Variants in STX8 observed in about 807,000 individuals in gnomAD.
STX8 encodes syntaxin-8.
STX8 carries 23 observed loss-of-function variants against 37.5 expected under a neutral mutation model. The ratio of observed to expected loss-of-function variants is 0.61; its 90% CI spans 0.44 to 0.87. STX8 has a LOEUF of 0.87. Ranked by LOEUF, STX8 falls within the 40% of genes least tolerant of loss-of-function variation. The pLI, the probability that STX8 is intolerant of heterozygous loss-of-function variation, is 0.00. For synonymous variants in STX8, 115 were observed against 99.1 expected (o/e 1.16, Z -0.95); for missense variants, 313 against 284.7 (o/e 1.10, Z -0.71).
intron 6 of STX8, among the ~76,000 whole-genome samples, chr17:9,448,811 G>C (rs8077336): frequency 1.9e-4 from 29 of 152,114 alleles, no homozygotes; most frequent in Admixed American, 5.2e-4. Flanking sequence ...CGCCACAAAT[G>C]AATGAGGACT....
At chr17:9,360,957 C>T (rs1345876692) in intron 7 of STX8, among the ~76,000 whole-genome samples, 1 of 152,148 alleles carries the variant, frequency 6.6e-6, no homozygotes, top group Non-Finnish European at 1.5e-5. Context: ...AACTTCAATA[C>T]AAAGATCAAT....
intron 7 of STX8, among the ~76,000 whole-genome samples, chr17:9,303,835 G>C (rs1306272467): frequency 6.6e-6 from 1 of 151,872 alleles, no homozygotes; most frequent in Non-Finnish European, 1.5e-5. Context: ...AACCATTAAA[G>C]GTCTAGAAAA....
intron 5 of STX8, among the ~76,000 whole-genome samples, chr17:9,500,200 T>C (rs1379106086): frequency 1.3e-5 from 2 of 152,138 alleles, no homozygotes; most frequent in East Asian, 1.9e-4. Context: ...CGAAATAGAA[T>C]CAGATTTCTG....
intron 7 of STX8, among the ~76,000 whole-genome samples, chr17:9,353,589 T>C (rs1029269972): frequency 2.0e-5 from 3 of 152,190 alleles, no homozygotes; most frequent in Non-Finnish European, 4.4e-5. Context: ...ATAACATCAA[T>C]ATATTTACTC....
At chr17:9,429,825 A>ATG (rs1913801230) in intron 6 of STX8, among the ~76,000 whole-genome samples, 1 of 11,446 alleles carries the variant, frequency 8.7e-5, no homozygotes, top group African/African-American at 4.5e-4. Context: ...TATATTATAT[A>ATG]TTATATATAT....
chr17:9,574,711 T>A (rs927372274), intron 1 of STX8, among the ~76,000 whole-genome samples: 28 of 152,280 alleles, frequency 1.8e-4, no homozygotes, highest in African/African-American at 6.5e-4. Context: ...ATTTTGTATT[T>A]TTAGTAGAGA....
chr17:9,531,807 T>C (rs540759441), intron 4 of STX8, among the ~76,000 whole-genome samples: 1 of 146,576 alleles, frequency 6.8e-6, no homozygotes, highest in Non-Finnish European at 1.5e-5. Context: ...TTTACTTATT[T>C]CTACAGATTT....
At chr17:9,356,796 G>A (rs1910892536) in intron 7 of STX8, among the ~76,000 whole-genome samples, 1 of 152,036 alleles carries the variant, frequency 6.6e-6, no homozygotes, top group South Asian at 2.1e-4. Flanking sequence ...CAGGTCCTAG[G>A]CATCTCTAGC....
At chr17:9,313,159 C>G (rs969533996) in intron 7 of STX8, among the ~76,000 whole-genome samples, 12 of 151,970 alleles carry the variant, frequency 7.9e-5, no homozygotes, top group African/African-American at 2.7e-4. Context: ...CCATTGCATT[C>G]CAGTTTGGGC....
intron 4 of STX8, among the ~76,000 whole-genome samples, chr17:9,513,589 C>T (rs1455197561): frequency 6.6e-6 from 1 of 152,152 alleles, no homozygotes; most frequent in Non-Finnish European, 1.5e-5. Flanking sequence ...TAAACTAGTA[C>T]AGCCACTATG....
At chr17:9,258,918 T>G (rs1423021091) in intron 7 of STX8, among the ~76,000 whole-genome samples, 1 of 152,234 alleles carries the variant, frequency 6.6e-6, no homozygotes, top group South Asian at 2.1e-4. Context: ...CCATGAAGAC[T>G]GCTCAGCCCG....
intron 7 of STX8, among the ~76,000 whole-genome samples, chr17:9,261,831 C>T (rs1192835419): frequency 6.6e-6 from 1 of 152,056 alleles, no homozygotes; most frequent in African/African-American, 2.4e-5. Flanking sequence ...GTGTGTTACC[C>T]CTGGGAATGT....
chr17:9,359,052 T>C (rs976332827), intron 7 of STX8, among the ~76,000 whole-genome samples: 1 of 152,084 alleles, frequency 6.6e-6, no homozygotes, highest in African/African-American at 2.4e-5. Context: ...TTTTTTCTTT[T>C]TTTTTTTGAG....
At chr17:9,253,837 A>AGTGAC in intron 7 of STX8, among the ~76,000 whole-genome samples, 1 of 152,262 alleles carries the variant, frequency 6.6e-6, no homozygotes, top group South Asian at 2.1e-4. Context: ...GAGCGGAGCA[A>AGTGAC]GTGACAAGAA....
intron 7 of STX8, chr17:9,378,103 G>A (rs766151490): frequency 6.3e-6 from 1 of 158,044 alleles, no homozygotes. Context: ...TTCTTATCTT[G>A]GCATATGAAT....
chr17:9,362,019 T>C (rs1378682932), intron 7 of STX8, among the ~76,000 whole-genome samples: 3 of 152,206 alleles, frequency 2.0e-5, no homozygotes, highest in African/African-American at 7.2e-5. Flanking sequence ...ATTTAAAGTG[T>C]CTACCAGCTC....
At chr17:9,501,316 C>G (rs1453339412) in intron 5 of STX8, among the ~76,000 whole-genome samples, 2 of 152,110 alleles carry the variant, frequency 1.3e-5, no homozygotes, top group East Asian at 3.8e-4. Flanking sequence ...AATGACCCAT[C>G]ATAAAGGTAA....
chr17:9,376,222 G>C (rs1450794058), intron 7 of STX8, among the ~76,000 whole-genome samples: 1 of 152,074 alleles, frequency 6.6e-6, no homozygotes, highest in Non-Finnish European at 1.5e-5. Flanking sequence ...CTCGCTAAAG[G>C]TTTGAAAACG....
rs1334962577 is a variant in STX8, at chr17:9,477,203, C to T, written c.541+14626G>A. On this transcript the variant is annotated intron_variant, in intron 6 of 7. Transcript: ENST00000306357. ...GGATACCAGGCATATTGGATTAGGG[C>T]CCACCACAGTGGCCCCATTTAAACC... Among the ~76,000 whole-genome samples the T allele has an allele frequency of 2.6e-5, 4 of 152,224 alleles. No homozygotes were observed. In the East Asian group the frequency reaches 5.8e-4, roughly 22 times the overall value.
Sources: allele counts gnomAD v4.1 joint callset (sites outside exome capture counted in the v4.1 genomes callset), GRCh38; gene constraint gnomAD v4.1.1; transcripts MANE v1.5; gene names NCBI Gene and HGNC (gene_info 2026-07-23, HGNC 2026-07-21).